Variants in MAP3K21 observed in about 807,000 individuals in gnomAD.
The protein encoded by MAP3K21 is mitogen-activated protein kinase kinase kinase 21, also known as mitogen-activated protein kinase kinase kinase MLK4.
In MAP3K21, 63 loss-of-function variants were observed where a neutral mutation model predicts 86.1. That is an observed-to-expected ratio of 0.73 (90% confidence interval 0.60 to 0.90). The LOEUF (loss-of-function observed/expected upper bound fraction) is 0.90. Ranked by LOEUF, MAP3K21 falls within the 40% of genes least tolerant of loss-of-function variation. The pLI is 0.00. For missense variants in MAP3K21, 1,220 were observed against 1,367.7 expected, an observed-to-expected ratio of 0.89 and a Z score of 1.70; for synonymous variants, 558 against 564.8, an observed-to-expected ratio of 0.99 and a Z score of 0.17.
chr1:233,380,555 G>A (rs750485173), intron 9 of MAP3K21, among the ~76,000 whole-genome samples: 1 of 152,206 alleles, frequency 6.6e-6, no homozygotes, highest in Non-Finnish European at 1.5e-5. Context: ...CCCTGTTGAT[G>A]TATGTTATAC....
intron 4 of MAP3K21, among the ~76,000 whole-genome samples, chr1:233,357,033 G>T (rs916609979): frequency 1.3e-5 from 2 of 152,228 alleles, no homozygotes; most frequent in Non-Finnish European, 2.9e-5. Flanking sequence ...TGCTTTGGGA[G>T]GTCGGGGCAG....
At chr1:233,361,942 C>T in intron 4 of MAP3K21, 111 bp from the exon 5 acceptor site, 1 of 1,336,850 alleles carries the variant, frequency 7.5e-7, no homozygotes, top group Middle Eastern at 2.7e-4. Flanking sequence ...TTCAGCTTCT[C>T]CTTGTGCACA....
At chr1:233,373,591 G>T (rs1663728196) in intron 6 of MAP3K21, 1 of 152,342 alleles carries the variant, frequency 6.6e-6, no homozygotes, top group Admixed American at 6.5e-5. Context: ...GTGTGTGGCA[G>T]CTGTTGGCTC....
At chr1:233,381,053 T>A (rs1182043256) in intron 9 of MAP3K21, among the ~76,000 whole-genome samples, 1 of 152,190 alleles carries the variant, frequency 6.6e-6, no homozygotes, top group Non-Finnish European at 1.5e-5. Context: ...GGATTTTGAG[T>A]CATAGAACAA....
intron 1 of MAP3K21, among the ~76,000 whole-genome samples, chr1:233,345,726 TATA>T (rs72300159): frequency 0.12 from 17,410 of 146,096 alleles, 1,088 homozygotes; most frequent in African/African-American, 0.14. Flanking sequence ...GAACTCAAAG[TATA>T]ATAATAATAA....
intron 2 of MAP3K21, among the ~76,000 whole-genome samples, chr1:233,347,039 C>G (rs980871318): frequency 6.6e-6 from 1 of 152,060 alleles, no homozygotes; most frequent in Non-Finnish European, 1.5e-5. Context: ...CCATGCCTGG[C>G]TAATTTGTGT....
chr1:233,374,773 TAAA>T (rs1663756115), intron 6 of MAP3K21, among the ~76,000 whole-genome samples: 1 of 151,892 alleles, frequency 6.6e-6, no homozygotes, highest in African/African-American at 2.4e-5. Context: ...TATGTAATAT[TAAA>T]TATAATATAA....
At chr1:233,350,064 C>T in intron 2 of MAP3K21, among the ~76,000 whole-genome samples, 1 of 152,102 alleles carries the variant, frequency 6.6e-6, no homozygotes, top group East Asian at 1.9e-4. Context: ...TCCCTCTCCC[C>T]TCTTCTAATT....
chr1:233,347,528 G>A (rs952947473), intron 2 of MAP3K21, among the ~76,000 whole-genome samples: 5 of 152,098 alleles, frequency 3.3e-5, no homozygotes, highest in East Asian at 1.9e-4. Context: ...TGTGGTGCAC[G>A]TACACCATGG....
In MAP3K21 at chr1:233,362,238, G is replaced by A. The variant is rs202206039; in HGVS notation, c.1497G>A (p.Lys499=). ...CCAAGGTAAAGAAGAGGAAGGGCAA[G>A]TTTAAGAGAAGTCGTTTAAAGCTCA... ...EKPKVKKRKG[K]FKRSRLKLKD... The change falls in exon 5 of 10, where the codon AAG becomes AAA. Residue 499 remains lysine, a synonymous_variant. Transcript: ENST00000366624. 5.0e-6 allele frequency: 8 copies of A among 1,614,142 alleles called. No individual in the cohort carries two copies. The highest frequency in any genetic ancestry group is 2.2e-5 in the South Asian group (2 of 91,094).
At chr1:233,354,000 T>A (rs766801868) in intron 3 of MAP3K21, 45 bp downstream of exon 3, 2 of 1,395,880 alleles carry the variant, frequency 1.4e-6, no homozygotes, top group Non-Finnish European at 1.9e-6. Flanking sequence ...CAAGAATTTC[T>A]CATTAGAATA....
chr1:233,375,363 A>G (rs948595851), intron 6 of MAP3K21, among the ~76,000 whole-genome samples: 4 of 152,182 alleles, frequency 2.6e-5, no homozygotes, highest in African/African-American at 9.7e-5. Context: ...GACATGGAAA[A>G]CTGTTAAATA....
intron 4 of MAP3K21, among the ~76,000 whole-genome samples, chr1:233,356,157 C>A (rs1663348671): frequency 6.6e-6 from 1 of 152,142 alleles, no homozygotes; most frequent in Admixed American, 6.5e-5. Flanking sequence ...CCTGATAGCT[C>A]CCTCCCCTAC....
chr1:233,333,392 T>A (rs1451582124), intron 1 of MAP3K21, among the ~76,000 whole-genome samples: 2 of 152,152 alleles, frequency 1.3e-5, no homozygotes, highest in Non-Finnish European at 2.9e-5. Flanking sequence ...TTTAGAAGAA[T>A]GGCAATCACA....
At chr1:233,355,815 C>T (rs1572248056) in intron 4 of MAP3K21, among the ~76,000 whole-genome samples, 1 of 152,184 alleles carries the variant, frequency 6.6e-6, no homozygotes, top group East Asian at 1.9e-4. Context: ...CAACCTCACT[C>T]ATCACCAGCA....
Position 233,365,727 on chromosome 1 carries a change from T to C in MAP3K21, c.1552+3434T>C, listed in dbSNP as rs57863057. On this transcript the variant is annotated intron_variant, in intron 5 of 9. Coordinates refer to ENST00000366624, the MANE Select transcript of MAP3K21 (RefSeq NM_032435.3). Reference sequence around the variant, plus strand: ...GATCATTTTAAATCTTATGGCTATCTATAGCTAATGGAAGTGTAAGTTAGT... The same window carrying C: ...GATCATTTTAAATCTTATGGCTATCCATAGCTAATGGAAGTGTAAGTTAGT... 8.7e-3 allele frequency among the ~76,000 whole-genome samples: 1,331 copies of C among 152,248 alleles called. 23 individuals carry two copies. Among genetic ancestry groups the C allele is most frequent in the African/African-American group, 0.031 (1,275 of 41,532 alleles).
intron 4 of MAP3K21, among the ~76,000 whole-genome samples, chr1:233,357,146 T>C (rs995143510): frequency 1.3e-5 from 2 of 152,074 alleles, no homozygotes; most frequent in Admixed American, 6.5e-5. Context: ...CAGCAAACTA[T>C]TGCAAGGACA....
chr1:233,380,826 G>A (rs1663899450), intron 9 of MAP3K21, among the ~76,000 whole-genome samples: 2 of 152,130 alleles, frequency 1.3e-5, no homozygotes, highest in African/African-American at 4.8e-5. Context: ...AGGAAGTAGT[G>A]GTGTCAGAAT....
rs369257067 is a variant in MAP3K21, at chr1:233,382,610, G to T, written c.3010G>T (p.Val1004Leu). The T allele has an allele frequency of 2.5e-6, 4 of 1,614,164 alleles. No individual in the cohort carries two copies. The highest frequency in any genetic ancestry group is 2.5e-6 in the Non-Finnish European group (3 of 1,180,010). The change falls in exon 10 of 10, where the codon GTG becomes TTG. Residue 1004 changes from valine to leucine, a missense_variant. Physicochemically the swap from Val to Leu is conservative, Grantham distance 32 (BLOSUM62 1). Coordinates refer to ENST00000366624, the MANE Select transcript of MAP3K21 (RefSeq NM_032435.3). ...TGTGCCTTCATTACTGGATGCTGAC[G>T]TGGAAGGTCAGAGCAGGGACTACAC... is the stretch of plus-strand genomic sequence containing the variant. ...SHVPSLLDADVEGQSRDYTVP... is the reference protein window; with the variant it reads ...SHVPSLLDADLEGQSRDYTVP...
Sources: gnomAD v4.1 joint callset for allele counts (sites outside exome capture counted in the v4.1 genomes callset) on GRCh38, gnomAD v4.1.1 for gene constraint, MANE v1.5 for transcripts, NCBI Gene and HGNC (gene_info 2026-07-23, HGNC 2026-07-21) for gene names.